ROCK1: variants seen among roughly 807,000 people sequenced by gnomAD.
ROCK1 encodes the protein Rho associated coiled-coil containing protein kinase 1.
In ROCK1, 36 loss-of-function variants were observed where a neutral mutation model predicts 196.8. That is an observed-to-expected ratio of 0.18 (90% confidence interval 0.14 to 0.24). ROCK1 has a LOEUF of 0.24. Ranked by LOEUF, ROCK1 falls within the 10% of genes least tolerant of loss-of-function variation. The pLI is 1.00. For missense variants in ROCK1, 920 were observed against 1,562.0 expected (o/e 0.59, Z 6.93); for synonymous variants, 443 against 515.9 (o/e 0.86, Z 1.91).
intron 25 of ROCK1, 104 bp from the exon 26 acceptor site, chr18:20,968,044 G>C (rs775958209): frequency 1.9e-6 from 2 of 1,066,604 alleles, no homozygotes; most frequent in African/African-American, 3.2e-5. Context: ...CTGTGTGTAT[G>C]AAAATTAGGA....
intron 10 of ROCK1, among the ~76,000 whole-genome samples, chr18:21,026,445 GA>G (rs747563785): frequency 0.036 from 1,274 of 35,318 alleles, 3 homozygotes; most frequent in African/African-American, 0.087. Context: ...ACTCTGTCTC[GA>G]AAAAAAAAAA....
At position 20,998,144 on chromosome 18, in the gene ROCK1, G is replaced by A. The variant is rs1261701649; in HGVS notation, c.1886-5207C>T. 4.6e-5 allele frequency among the ~76,000 whole-genome samples: 7 copies of A among 151,948 alleles called. No homozygotes were observed. The East Asian group carries it at 5.8e-4, about 13-fold the overall frequency. On this transcript the variant is annotated intron_variant, in intron 16 of 32. Coordinates refer to ENST00000399799, the MANE Select transcript of ROCK1 (RefSeq NM_005406.3). The stretch of plus-strand genomic sequence containing the variant: ...GAGCCATCATGCCTGGCCAAAAAGC[G>A]GAATTTTTGAAACGATACAAATACC...
chr18:21,095,798 T>C (rs1417033278), intron 1 of ROCK1, among the ~76,000 whole-genome samples: 1 of 151,804 alleles, frequency 6.6e-6, no homozygotes, highest in Non-Finnish European at 1.5e-5. Context: ...AGGCTAACTA[T>C]AGTCAATAAT....
In ROCK1 at chr18:21,075,902, G is replaced by A. The variant is rs375939221; in HGVS notation, c.94-5289C>T. 6.8e-5 allele frequency among the ~76,000 whole-genome samples: 10 copies of A among 146,250 alleles called. No homozygotes were observed. In the East Asian group the frequency reaches 1.0e-3, roughly 15 times the overall value. Reference sequence around the variant, plus strand: ...CGGGAGGCGGAGGTTGCAGTGAGCCGACATAGCACCACTGCACTCCAGCCT... The same window carrying A: ...CGGGAGGCGGAGGTTGCAGTGAGCCAACATAGCACCACTGCACTCCAGCCT... On this transcript the variant is annotated intron_variant, in intron 1 of 32. Coordinates refer to ENST00000399799, the MANE Select transcript of ROCK1 (RefSeq NM_005406.3).
intron 25 of ROCK1, 26 bp from the exon 26 acceptor site, chr18:20,967,966 C>A: frequency 6.9e-7 from 1 of 1,442,222 alleles, no homozygotes; most frequent in South Asian, 1.4e-5. Flanking sequence ...TAATAAAGAT[C>A]AATAGTGTAG....
At chr18:20,962,870 A>T (rs542892856) in intron 27 of ROCK1, among the ~76,000 whole-genome samples, 2 of 152,250 alleles carry the variant, frequency 1.3e-5, no homozygotes, top group African/African-American at 2.4e-5. Flanking sequence ...AATAACAGAT[A>T]AAAAAATACA....
Position 20,984,408 on chromosome 18 carries a change from A to T in ROCK1, c.2432T>A (p.Ile811Lys). 1.2e-6 allele frequency: 2 copies of T among 1,612,382 alleles called. No homozygotes were observed. Among genetic ancestry groups the T allele is most frequent in the South Asian group, 2.2e-5 (2 of 90,954 alleles). ...TCTCTTTGCTTCCAATAAAGTATTT[A>T]TTTCCTGTTTCATCTGCTTTTCTAA... is the stretch of plus-strand genomic sequence containing the variant. ...KGLEKQMKQE[I>K]NTLLEAKRLL... The change falls in exon 20 of 33, where the codon ATA (isoleucine) becomes AAA (lysine). Residue 811 changes from isoleucine to lysine, a missense_variant. Around this residue, in one of 6 missense-constraint regions of ROCK1, gnomAD observed 520 missense variants for 657.1 expected, o/e 0.79. Coordinates refer to ENST00000399799, the MANE Select transcript of ROCK1 (RefSeq NM_005406.3).
chr18:21,051,569 C>T (rs2036204274), intron 2 of ROCK1, among the ~76,000 whole-genome samples: 3 of 152,222 alleles, frequency 2.0e-5, no homozygotes, highest in Admixed American at 6.5e-5. Context: ...TAAGGACTGA[C>T]AGAAGAGGCT....
chr18:20,998,205 G>C (rs771838962), intron 16 of ROCK1, among the ~76,000 whole-genome samples: 6 of 152,086 alleles, frequency 3.9e-5, no homozygotes, highest in Admixed American at 6.5e-5. Context: ...ATGACCAGCG[G>C]ATTGATGAAG....
At chr18:21,103,076 C>A (rs1475271950) in intron 1 of ROCK1, among the ~76,000 whole-genome samples, 1 of 152,056 alleles carries the variant, frequency 6.6e-6, no homozygotes, top group Non-Finnish European at 1.5e-5. Flanking sequence ...TGTTTAGGAA[C>A]TGTAATAAAA....
intron 1 of ROCK1, among the ~76,000 whole-genome samples, chr18:21,078,739 T>A (rs955114496): frequency 2.0e-5 from 3 of 152,204 alleles, no homozygotes; most frequent in Admixed American, 6.5e-5. Context: ...AGCTAGTGGA[T>A]GCACCTTGGG....
Position 20,991,143 on chromosome 18 carries a change from C to A in ROCK1, c.2143+33G>T. On this transcript the variant is annotated intron_variant, in intron 18 of 32. Coordinates refer to ENST00000399799, the MANE Select transcript of ROCK1 (RefSeq NM_005406.3). ...ATTTTTTCTAGTCACTATTTAAAGTCAATTTTGTAAAAATATTAAAACTGA... is the reference window on the plus strand; with the variant it reads ...ATTTTTTCTAGTCACTATTTAAAGTAAATTTTGTAAAAATATTAAAACTGA... The A allele has an allele frequency of 3.9e-6, 6 of 1,551,644 alleles. No individual in the cohort carries two copies. In the South Asian group the frequency reaches 5.0e-5, roughly 13 times the overall value.
At chr18:20,959,086 T>TATATATATATTATATATAAA (rs1568367368) in intron 29 of ROCK1, among the ~76,000 whole-genome samples, 1 of 29,804 alleles carries the variant, frequency 3.4e-5, no homozygotes, top group African/African-American at 2.5e-4. Flanking sequence ...ATATATATAT[T>TATATATATATTATATATAAA]TTATATAATA....
chr18:20,967,159 G>A (rs2035381922), intron 26 of ROCK1, 83 bp from the exon 27 acceptor site: 4 of 937,434 alleles, frequency 4.3e-6, no homozygotes, highest in Non-Finnish European at 6.5e-6. Flanking sequence ...AATTTAAATT[G>A]CTAATACTAA....
At chr18:21,027,749 A>ATTT (rs2035971720) in intron 10 of ROCK1, among the ~76,000 whole-genome samples, 1 of 131,076 alleles carries the variant, frequency 7.6e-6, no homozygotes, top group Non-Finnish European at 1.6e-5. Flanking sequence ...GGAATCACTT[A>ATTT]ATTTTTTTTT....
At chr18:20,997,551 C>CA (rs887575419) in intron 16 of ROCK1, among the ~76,000 whole-genome samples, 48 of 152,260 alleles carry the variant, frequency 3.2e-4, no homozygotes, top group African/African-American at 1.2e-3. Context: ...GAGACTTCAA[C>CA]TCCTCACTTT....
intron 1 of ROCK1, among the ~76,000 whole-genome samples, chr18:21,107,559 T>C (rs2036713179): frequency 6.6e-6 from 1 of 152,092 alleles, no homozygotes. Context: ...GTTCCTATAA[T>C]ACATGAGAGG....
chr18:21,029,494 G>A (rs2143480049), intron 9 of ROCK1, among the ~76,000 whole-genome samples: 1 of 152,170 alleles, frequency 6.6e-6, no homozygotes, highest in Middle Eastern at 3.4e-3. Context: ...TTAAGCCACA[G>A]GAGCAATGGA....
intron 2 of ROCK1, among the ~76,000 whole-genome samples, chr18:21,051,831 T>G (rs1263389601): frequency 6.6e-6 from 1 of 152,138 alleles, no homozygotes; most frequent in Admixed American, 6.5e-5. Flanking sequence ...TGCTGGGAAC[T>G]GAGAAGCACC....
Sources: allele counts gnomAD v4.1 joint callset (sites outside exome capture counted in the v4.1 genomes callset), GRCh38; gene constraint gnomAD v4.1.1; regional missense constraint gnomAD v4.1.1; transcripts MANE v1.5; gene names NCBI Gene and HGNC (gene_info 2026-07-23, HGNC 2026-07-21).